The following LRP5 variants were observed in gnomAD, a reference collection of about 807,000 sequenced individuals.
LRP5 encodes the protein low-density lipoprotein receptor-related protein 5.
Under a neutral mutation model 154.1 loss-of-function variants are expected in LRP5, and 62 were observed. The ratio of observed to expected loss-of-function variants is 0.40; its 90% CI spans 0.33 to 0.50. The LOEUF (loss-of-function observed/expected upper bound fraction) is 0.50. Ranked by LOEUF, LRP5 falls within the 20% of genes least tolerant of loss-of-function variation. The pLI is 0.55. For synonymous variants in LRP5, 966 were observed against 1,011.5 expected (o/e 0.96, Z 0.85); for missense variants, 1,915 against 2,336.7 (o/e 0.82, Z 3.72).
At chr11:68,361,236 T>C (rs1358296677) in intron 3 of LRP5, among the ~76,000 whole-genome samples, 2,115 of 116,588 alleles carry the variant, frequency 0.018, no homozygotes, top group Middle Eastern at 0.17. Flanking sequence ...ACCTGGGAGG[T>C]GGAGCTTGCA....
At chr11:68,396,339 C>T (rs1041192037) in intron 7 of LRP5, among the ~76,000 whole-genome samples, 5 of 152,302 alleles carry the variant, frequency 3.3e-5, no homozygotes, top group African/African-American at 1.2e-4. Context: ...TGCCGCTCAC[C>T]TTTGCTGGGG....
chr11:68,365,543 T>G (rs1555077781), intron 4 of LRP5, 28 bp from the exon 5 acceptor site: 5 of 1,613,548 alleles, frequency 3.1e-6, no homozygotes, highest in Non-Finnish European at 4.2e-6. Flanking sequence ...TTCTGGAACC[T>G]TCTCTCACTC....
At chr11:68,326,863 C>T (rs2098600013) in intron 1 of LRP5, among the ~76,000 whole-genome samples, 1 of 152,184 alleles carries the variant, frequency 6.6e-6, no homozygotes, top group Admixed American at 6.5e-5. Flanking sequence ...GGGGAGGGGT[C>T]CCCGGGGAGG....
intron 16 of LRP5, among the ~76,000 whole-genome samples, chr11:68,428,062 G>A (rs980798419): frequency 1.3e-5 from 2 of 150,864 alleles, no homozygotes; most frequent in Admixed American, 6.6e-5. Context: ...GCGCGATCTC[G>A]GTTCACTGCA....
chr11:68,340,540 T>C (rs1193734960), intron 1 of LRP5, among the ~76,000 whole-genome samples: 2 of 152,046 alleles, frequency 1.3e-5, no homozygotes, highest in Non-Finnish European at 2.9e-5. Context: ...GATGTGGAGG[T>C]GCAGTAATTA....
At chr11:68,380,209 ACAGG>A (rs1404740938) in intron 5 of LRP5, among the ~76,000 whole-genome samples, 10 of 152,246 alleles carry the variant, frequency 6.6e-5, no homozygotes, top group Admixed American at 2.6e-4. Flanking sequence ...TCTAGTTGGG[ACAGG>A]CCATGAGCTC....
intron 1 of LRP5, among the ~76,000 whole-genome samples, chr11:68,339,654 C>T (rs1015780100): frequency 7.2e-5 from 11 of 152,120 alleles, no homozygotes; most frequent in Non-Finnish European, 1.5e-4. Flanking sequence ...CCATAATATT[C>T]GTTTTTATGC....
At chr11:68,391,117 C>T (rs1427759976) in intron 7 of LRP5, among the ~76,000 whole-genome samples, 1 of 152,102 alleles carries the variant, frequency 6.6e-6, no homozygotes, top group Non-Finnish European at 1.5e-5. Flanking sequence ...TACAAGTGCC[C>T]GCCACCACGC....
intron 1 of LRP5, among the ~76,000 whole-genome samples, chr11:68,320,260 A>G (rs1443179063): frequency 6.6e-6 from 1 of 152,084 alleles, no homozygotes; most frequent in Non-Finnish European, 1.5e-5. Flanking sequence ...ACTTTCCTAT[A>G]TCCTCTCTGA....
chr11:68,340,130 C>G (rs371528045), intron 1 of LRP5, among the ~76,000 whole-genome samples: 2 of 152,278 alleles, frequency 1.3e-5, no homozygotes, highest in East Asian at 3.9e-4. Flanking sequence ...ATCCCAGCTA[C>G]TCAGGAGACT....
chr11:68,423,490 C>A lies in LRP5; in HGVS notation c.3029C>A (p.Pro1010His). 6.2e-7 allele frequency: 1 copy of A among 1,614,018 alleles called. No homozygotes were observed. Among genetic ancestry groups the A allele is most frequent in the Non-Finnish European group, 8.5e-7 (1 of 1,179,894 alleles). Residue 1010 changes from proline to histidine, a missense_variant and splice_region_variant, in exon 14 of 23, where the codon CCC (proline) becomes CAC (histidine). Coordinates refer to ENST00000294304, the MANE Select transcript of LRP5 (RefSeq NM_002335.4). This position sits in a 1 kb window ranked among gnomAD's most constrained non-coding sequence, Gnocchi z 4.7. ...IKRAKDDGTQ[P>H]FVLTSLSQGQ... ...AGTCTTGGTTTCTTTGTCTTACAGC[C>A]CTTTGTTTTGACCTCTCTGAGCCAA...
chr11:68,402,439 A>G (rs1287273712), intron 7 of LRP5, among the ~76,000 whole-genome samples: 3 of 152,214 alleles, frequency 2.0e-5, no homozygotes, highest in Admixed American at 1.3e-4. Context: ...GGTGGAAAGC[A>G]TCTGAGACCT....
At position 68,357,383 on chromosome 11, in the gene LRP5, G is replaced by A. The variant is rs115042402; in HGVS notation, c.489-267G>A. ...AAAAAACTTACAGCAGAGTACACTA[G>A]GCAATCATCAAAAGAACAAGGAATC... On this transcript the variant is annotated intron_variant, in intron 2 of 22. Coordinates refer to ENST00000294304, the MANE Select transcript of LRP5 (RefSeq NM_002335.4). Among the ~76,000 whole-genome samples, 1,500 of 152,276 alleles carry A rather than the reference G, an allele frequency of 9.9e-3. 28 individuals are homozygous for A. The highest frequency in any genetic ancestry group is 0.035 in the African/African-American group (1,434 of 41,546).
intron 3 of LRP5, among the ~76,000 whole-genome samples, chr11:68,358,496 G>T (rs2098625076): frequency 6.6e-6 from 1 of 152,184 alleles, no homozygotes; most frequent in Admixed American, 6.5e-5. Flanking sequence ...AATTGTTGGG[G>T]AGGGCTTATG....
At position 68,368,340 on chromosome 11, in the gene LRP5, C is replaced by T. The variant is rs148037554; in HGVS notation, c.1015+2638C>T. Among the ~76,000 whole-genome samples the T allele has an allele frequency of 6.7e-3, 1,023 of 152,230 alleles. 6 individuals are homozygous for T. Among genetic ancestry groups the T allele is most frequent in the African/African-American group, 0.022 (921 of 41,528 alleles). ...GTACTGGGGGTGTGGCCGCCTGAGCCGGCAGGTCAGAGGTCTCTCTCAGGA... is the reference window on the plus strand; with the variant it reads ...GTACTGGGGGTGTGGCCGCCTGAGCTGGCAGGTCAGAGGTCTCTCTCAGGA... On this transcript the variant is annotated intron_variant, in intron 5 of 22. Transcript: ENST00000294304.
At chr11:68,313,016 A>T (rs886444375) in intron 1 of LRP5, among the ~76,000 whole-genome samples, 20 of 146,826 alleles carry the variant, frequency 1.4e-4, no homozygotes, top group African/African-American at 4.9e-4. Flanking sequence ...CTCCCCGGGG[A>T]CGCTGCGTCC....
At chr11:68,334,580 A>G (rs886247394) in intron 1 of LRP5, among the ~76,000 whole-genome samples, 1 of 152,194 alleles carries the variant, frequency 6.6e-6, no homozygotes. Flanking sequence ...ATGTGTGTAT[A>G]AAAGTGTATG....
At position 68,423,451 on chromosome 11, in the gene LRP5, C is replaced by T. The variant is rs537189774; in HGVS notation, c.3028-38C>T. 25 of 1,594,114 alleles carry T rather than the reference C, an allele frequency of 1.6e-5. 1 individual carries two copies. In the South Asian group the frequency reaches 2.0e-4, roughly 13 times the overall value. On this transcript the variant is annotated intron_variant, in intron 13 of 22. Coordinates refer to ENST00000294304, the MANE Select transcript of LRP5 (RefSeq NM_002335.4). The surrounding 1 kb of genome is among the most constrained non-coding windows in gnomAD (Gnocchi z 4.7). ...GTCTCCGCCAGTGCCCAGGGGTCTC[C>T]GCCAGTGCTCAGGAGTCTTGGTTTC...
chr11:68,337,078 G>A (rs1042278646), intron 1 of LRP5, among the ~76,000 whole-genome samples: 2 of 152,220 alleles, frequency 1.3e-5, no homozygotes, highest in East Asian at 1.9e-4. Context: ...TGGAACTTGC[G>A]GAGCTGACTG....
Sources: gnomAD v4.1 joint callset for allele counts (sites outside exome capture counted in the v4.1 genomes callset) on GRCh38, gnomAD v4.1.1 for gene constraint, Gnocchi (gnomAD v3.1) non-coding constraint, MANE v1.5 for transcripts, NCBI Gene and HGNC (gene_info 2026-07-23, HGNC 2026-07-21) for gene names.